The following CASK variants were observed in gnomAD, a reference collection of about 807,000 sequenced individuals.
CASK encodes calcium/calmodulin dependent serine protein kinase, also known as peripheral plasma membrane protein CASK.
A neutral mutation model predicts 82.9 loss-of-function variants in CASK; 4 were observed. The ratio of observed to expected loss-of-function variants is 0.05; its 90% CI spans 0.02 to 0.11. The LOEUF is 0.11. Ranked by LOEUF, CASK falls within the 10% of genes least tolerant of loss-of-function variation. The pLI is 1.00. For missense variants in CASK, 358 were observed against 720.9 expected (o/e 0.50, Z 5.76); for synonymous variants, 259 against 253.5 (o/e 1.02, Z -0.20).
intron 9 of CASK, among the ~76,000 whole-genome samples, chrX:41,632,128 T>C (rs1284916108): frequency 9.0e-6 from 1 of 111,021 alleles, no homozygotes; most frequent in Non-Finnish European, 1.9e-5. Context: ...GGGGTCTCCT[T>C]ATGTTGCTCA....
rs774703759 is a variant in CASK, at chrX:41,796,397, C to G, written c.173-9114G>C. On this transcript the variant is annotated intron_variant, in intron 2 of 26. Coordinates refer to ENST00000378163, the MANE Select transcript of CASK (RefSeq NM_001367721.1). Reference sequence around the variant, plus strand: ...TTGGTGGAAATCATTCTATGTTTAACAAATGTCAATCAAACCGAGTTTGAC... The same window carrying G: ...TTGGTGGAAATCATTCTATGTTTAAGAAATGTCAATCAAACCGAGTTTGAC... Among the ~76,000 whole-genome samples, 14 of 112,325 alleles carry G rather than the reference C, an allele frequency of 1.2e-4. No individual in the cohort carries two copies. The East Asian group carries it at 3.9e-3, about 31-fold the overall frequency.
At chrX:41,890,570 A>C (rs763567034) in intron 1 of CASK, among the ~76,000 whole-genome samples, 1 of 112,299 alleles carries the variant, frequency 8.9e-6, no homozygotes, top group Non-Finnish European at 1.9e-5. Context: ...GAATTTTCAC[A>C]TAACTCTCAA....
intron 1 of CASK, among the ~76,000 whole-genome samples, chrX:41,875,432 C>G (rs2071794867): frequency 9.0e-6 from 1 of 111,466 alleles, no homozygotes; most frequent in Admixed American, 9.6e-5. Flanking sequence ...TCTTGGTGTA[C>G]TGCAAGACTC....
At chrX:41,727,823 G>C in intron 5 of CASK, 1 of 1,191,914 alleles carries the variant, frequency 8.4e-7, no homozygotes, top group Non-Finnish European at 1.1e-6. Flanking sequence ...CTTCCTTATA[G>C]TATTTTTAAA....
chrX:41,558,388 G>T (rs1321718880), intron 18 of CASK: 1 of 108,254 alleles, frequency 9.2e-6, no homozygotes, highest in Non-Finnish European at 1.9e-5. Flanking sequence ...AAACTAGTTC[G>T]ACCATTTAAA....
At chrX:41,756,434 T>C (rs749845947) in intron 3 of CASK, among the ~76,000 whole-genome samples, 3 of 112,017 alleles carry the variant, frequency 2.7e-5, no homozygotes, top group Non-Finnish European at 5.6e-5. Flanking sequence ...AATAGTAGAA[T>C]AGATAAAATG....
intron 1 of CASK, among the ~76,000 whole-genome samples, chrX:41,865,741 T>G (rs1162027796): frequency 9.0e-6 from 1 of 111,545 alleles, no homozygotes; most frequent in Non-Finnish European, 1.9e-5. Context: ...TTTGTGGGCT[T>G]CAGTTCCAAT....
intron 8 of CASK, among the ~76,000 whole-genome samples, chrX:41,651,916 C>T (rs7473885): frequency 0.11 from 12,700 of 110,609 alleles, 710 homozygotes; most frequent in Middle Eastern, 0.18. Context: ...AGACAATAAA[C>T]ATATAAGTAA....
intron 21 of CASK, among the ~76,000 whole-genome samples, chrX:41,553,467 G>A (rs1282569678): frequency 9.1e-6 from 1 of 110,496 alleles, no homozygotes; most frequent in Non-Finnish European, 1.9e-5. Flanking sequence ...CTTGGCTCAG[G>A]GCTGCTCATC....
At chrX:41,866,520 C>T (rs1416005028) in intron 1 of CASK, among the ~76,000 whole-genome samples, 4 of 112,212 alleles carry the variant, frequency 3.6e-5, no homozygotes, top group African/African-American at 9.7e-5. Flanking sequence ...CCCTTTATTG[C>T]TGTCAGTTGA....
At chrX:41,634,552 C>A (rs1219231207) in intron 9 of CASK, among the ~76,000 whole-genome samples, 1 of 112,267 alleles carries the variant, frequency 8.9e-6, no homozygotes, top group Non-Finnish European at 1.9e-5. Context: ...GATTCTGTGG[C>A]CCCGGGAGAA....
At chrX:41,869,939 T>C (rs1183734092) in intron 1 of CASK, among the ~76,000 whole-genome samples, 2 of 104,051 alleles carry the variant, frequency 1.9e-5, no homozygotes, top group Non-Finnish European at 3.9e-5. Flanking sequence ...GAATACACCA[T>C]GGAGAAAAAC....
chrX:41,906,985 C>T (rs768537534), intron 1 of CASK, among the ~76,000 whole-genome samples: 1 of 112,952 alleles, frequency 8.9e-6, no homozygotes, highest in East Asian at 2.8e-4. Flanking sequence ...TGAGGGATGG[C>T]CTTTGCCTGA....
intron 2 of CASK, among the ~76,000 whole-genome samples, chrX:41,794,486 G>C (rs777906946): frequency 1.6e-4 from 18 of 112,313 alleles, no homozygotes; most frequent in East Asian, 8.3e-4. Context: ...TAAACCAAAG[G>C]GGGGAAGATC....
chrX:41,885,449 C>T lies in CASK; in HGVS notation c.60-32222G>A, dbSNP rs1440470501. Among the ~76,000 whole-genome samples the T allele has an allele frequency of 4.5e-5, 5 of 111,926 alleles. No homozygotes were observed. The East Asian group carries it at 1.4e-3, about 31-fold the overall frequency. On this transcript the variant is annotated intron_variant, in intron 1 of 26. Transcript: ENST00000378163. The stretch of plus-strand genomic sequence containing the variant: ...TAATTCTACAACTTTGGGCAAGTTG[C>T]ATTTTCACAAAAAACCTGTTTTTTT...
intron 2 of CASK, among the ~76,000 whole-genome samples, chrX:41,810,307 G>A (rs2070243425): frequency 9.0e-6 from 1 of 111,155 alleles, no homozygotes. Flanking sequence ...CAAAGTTGAA[G>A]GAAAAAATGC....
intron 1 of CASK, among the ~76,000 whole-genome samples, chrX:41,869,207 T>C (rs2071649176): frequency 1.8e-5 from 2 of 111,543 alleles, no homozygotes; most frequent in South Asian, 7.6e-4. Flanking sequence ...TAGGGCCTCA[T>C]AGGAATGAAT....
chrX:41,639,353 C>G (rs1476726206), intron 8 of CASK, among the ~76,000 whole-genome samples: 9 of 107,005 alleles, frequency 8.4e-5, no homozygotes, highest in Non-Finnish European at 1.5e-4. Context: ...ATTACAGGCG[C>G]GAGCCACCAC....
intron 5 of CASK, among the ~76,000 whole-genome samples, chrX:41,677,516 T>C (rs1197177262): frequency 8.9e-6 from 1 of 112,071 alleles, no homozygotes; most frequent in Non-Finnish European, 1.9e-5. Context: ...AAATGAGAAC[T>C]GAGAACTGAC....
Sources: allele counts gnomAD v4.1 joint callset (sites outside exome capture counted in the v4.1 genomes callset), GRCh38; gene constraint gnomAD v4.1.1; transcripts MANE v1.5; gene names NCBI Gene and HGNC (gene_info 2026-07-23, HGNC 2026-07-21).